COL13A1: variants seen among roughly 807,000 people sequenced by gnomAD.
The protein encoded by COL13A1 is collagen type XIII alpha 1 chain, also known as collagen alpha-1(XIII) chain.
A neutral mutation model predicts 130.9 loss-of-function variants in COL13A1; 89 were observed. The ratio of observed to expected loss-of-function variants is 0.68; its 90% confidence interval spans 0.57 to 0.81. The LOEUF is 0.81. COL13A1 is among the 30% of genes least tolerant of loss of function. The pLI, the probability that COL13A1 is intolerant of heterozygous loss-of-function variation, is 0.00. For missense variants in COL13A1, 879 were observed against 934.6 expected, an observed-to-expected ratio of 0.94 and a Z score of 0.78; for synonymous variants, 402 against 341.6, an observed-to-expected ratio of 1.18 and a Z score of -1.95.
At chr10:69,889,006 C>G (rs2060885496) in intron 9 of COL13A1, among the ~76,000 whole-genome samples, 1 of 152,224 alleles carries the variant, frequency 6.6e-6, no homozygotes, top group South Asian at 2.1e-4. Flanking sequence ...AGTTGAGGGA[C>G]CCTAGCACCA....
intron 31 of COL13A1, among the ~76,000 whole-genome samples, chr10:69,934,466 C>G (rs906356468): frequency 6.6e-6 from 1 of 152,206 alleles, no homozygotes; most frequent in Non-Finnish European, 1.5e-5. Flanking sequence ...GTAGGGGTGC[C>G]CTCTGTCGTG....
At chr10:69,845,226 T>G (rs1589401978) in intron 2 of COL13A1, among the ~76,000 whole-genome samples, 2 of 149,328 alleles carry the variant, frequency 1.3e-5, no homozygotes, top group South Asian at 4.2e-4. Context: ...AGAGTCTTAC[T>G]CTGTCACCCA....
chr10:69,923,824 A>G lies in COL13A1; in HGVS notation c.1253A>G (p.Gln418Arg). Residue 418 changes from glutamine (Q) to arginine (R), a missense_variant, in exon 24 of 41, where the codon CAG (glutamine) becomes CGG (arginine). This residue lies in a region of COL13A1 where 715 missense variants were observed against 721.0 expected (regional missense o/e 0.99). Coordinates refer to ENST00000645393, the MANE Select transcript of COL13A1 (RefSeq NM_001368882.1). ...GPKGEAGVDG[Q>R]VGPPGQPGDK... ...CAGGGAGAAGCAGGTGTCGATGGCC[A>G]GGTTGGCCCCCCAGGGCAGCCAGGA... 6.2e-7 allele frequency: 1 copy of G among 1,611,894 alleles called. No individual in the cohort carries two copies. Among genetic ancestry groups the G allele is most frequent in the East Asian group, 2.2e-5 (1 of 44,826 alleles).
At chr10:69,838,235 C>T (rs1452414565) in intron 2 of COL13A1, among the ~76,000 whole-genome samples, 2 of 152,214 alleles carry the variant, frequency 1.3e-5, no homozygotes, top group Non-Finnish European at 2.9e-5. Flanking sequence ...CTGGTAGGAG[C>T]CTGGGCTTTA....
At chr10:69,866,425 T>G (rs1449298127) in intron 2 of COL13A1, among the ~76,000 whole-genome samples, 1 of 152,236 alleles carries the variant, frequency 6.6e-6, no homozygotes, top group Non-Finnish European at 1.5e-5. Context: ...ACCAGCCTGC[T>G]TCTCATGCAG....
intron 1 of COL13A1, among the ~76,000 whole-genome samples, chr10:69,817,052 A>G (rs4746006): frequency 0.092 from 14,013 of 152,266 alleles, 744 homozygotes; most frequent in Admixed American, 0.17. Flanking sequence ...ATTTTTGTAA[A>G]TATATATTTT....
At chr10:69,936,004 C>T (rs1224199771) in intron 32 of COL13A1, among the ~76,000 whole-genome samples, 1 of 86,146 alleles carries the variant, frequency 1.2e-5, no homozygotes, top group Non-Finnish European at 2.4e-5. Flanking sequence ...AGAGTGAGAC[C>T]CTGTCTCAAA....
At chr10:69,888,446 C>T in intron 9 of COL13A1, 116 bp downstream of exon 9, 1 of 1,435,280 alleles carries the variant, frequency 7.0e-7, no homozygotes, top group Non-Finnish European at 9.5e-7. Flanking sequence ...AGTCCTGGGG[C>T]TGAAGGTTGT....
At chr10:69,897,899 C>T (rs1206527907) in intron 13 of COL13A1, among the ~76,000 whole-genome samples, 1 of 152,204 alleles carries the variant, frequency 6.6e-6, no homozygotes, top group Non-Finnish European at 1.5e-5. Context: ...GGACTGGAAG[C>T]TGCAACAATT....
rs537914385 is a variant in COL13A1 at position 69,869,582 on chromosome 10, C to A, written c.372+1777C>A. Among the ~76,000 whole-genome samples the A allele has an allele frequency of 1.2e-3, 188 of 152,278 alleles. 1 individual carries two copies. The highest frequency in any genetic ancestry group is 5.0e-3 in the Admixed American group (76 of 15,296). On this transcript the variant is annotated intron_variant, in intron 3 of 40. Coordinates refer to ENST00000645393, the MANE Select transcript of COL13A1 (RefSeq NM_001368882.1). ...CCAGTGCCTGAAGAACATAACTGTG[C>A]AGGATGGATTAAAGCTGCAGCAGGA...
chr10:69,814,758 C>T (rs147739082), intron 1 of COL13A1, among the ~76,000 whole-genome samples: 1 of 152,294 alleles, frequency 6.6e-6, no homozygotes, highest in East Asian at 1.9e-4. Flanking sequence ...TTCAACACTG[C>T]CAAGCTCTGC....
chr10:69,909,647 G>C (rs1149696), intron 17 of COL13A1, among the ~76,000 whole-genome samples: 150,806 of 152,312 alleles, frequency 0.99, 74,674 homozygotes, highest in East Asian at 1. Flanking sequence ...AGCCTGCCAC[G>C]AAGGACTTGA....
intron 1 of COL13A1, among the ~76,000 whole-genome samples, chr10:69,816,813 G>T (rs1844654616): frequency 6.6e-6 from 1 of 152,190 alleles, no homozygotes; most frequent in Non-Finnish European, 1.5e-5. Context: ...CTGGCAACCT[G>T]CAGGACAGTT....
At chr10:69,832,318 G>A (rs1255121327) in intron 2 of COL13A1, among the ~76,000 whole-genome samples, 1 of 152,170 alleles carries the variant, frequency 6.6e-6, no homozygotes, top group Non-Finnish European at 1.5e-5. Context: ...TTTGTCACAG[G>A]TTTAGGGGCC....
chr10:69,860,451 G>A (rs372427414), intron 2 of COL13A1, among the ~76,000 whole-genome samples: 1 of 152,218 alleles, frequency 6.6e-6, no homozygotes, highest in Non-Finnish European at 1.5e-5. Context: ...CCTGCCTTCT[G>A]CTGAAGAATG....
chr10:69,892,140 G>A (rs979847886), intron 10 of COL13A1, among the ~76,000 whole-genome samples: 7 of 152,172 alleles, frequency 4.6e-5, no homozygotes, highest in Non-Finnish European at 7.4e-5. Context: ...TCCCCTGTCT[G>A]CCTCATCAAA....
intron 1 of COL13A1, among the ~76,000 whole-genome samples, chr10:69,817,603 T>C (rs1311795296): frequency 6.6e-6 from 1 of 151,908 alleles, no homozygotes; most frequent in Non-Finnish European, 1.5e-5. Context: ...CTGCTGCCTG[T>C]GTGCAGGGGT....
At chr10:69,916,348 G>A (rs746028363) in intron 17 of COL13A1, among the ~76,000 whole-genome samples, 1 of 152,340 alleles carries the variant, frequency 6.6e-6, no homozygotes, top group Middle Eastern at 3.4e-3. Flanking sequence ...CAGGCTGGCT[G>A]CAGTCACCTG....
intron 32 of COL13A1, 42 bp from the exon 33 acceptor site, chr10:69,936,714 A>G (rs1280171162): frequency 3.1e-6 from 5 of 1,611,570 alleles, no homozygotes; most frequent in Non-Finnish European, 3.4e-6. Context: ...TGTGTTAACT[A>G]GAGATGCAGT....
Sources: gnomAD v4.1 joint callset for allele counts (sites outside exome capture counted in the v4.1 genomes callset) on GRCh38, gnomAD v4.1.1 for gene constraint, gnomAD v4.1.1 regional missense constraint, MANE v1.5 for transcripts, NCBI Gene and HGNC (gene_info 2026-07-23, HGNC 2026-07-21) for gene names.